The following ASIC2 variants were observed in gnomAD, a reference collection of about 807,000 sequenced individuals.
The protein encoded by ASIC2 is acid-sensing ion channel 2.
A neutral mutation model predicts 57.3 loss-of-function variants in ASIC2; 25 were observed. The ratio of observed to expected loss-of-function variants is 0.44; its 90% CI spans 0.32 to 0.61. The LOEUF (loss-of-function observed/expected upper bound fraction) is 0.61, where lower values mean the gene tolerates loss of function less well. ASIC2 is among the 20% of genes least tolerant of loss of function. The probability of loss-of-function intolerance (pLI) is 0.06; values close to 1 mark genes in which losing one functional copy is unlikely to be tolerated. For missense variants in ASIC2, 641 were observed against 738.1 expected, an observed-to-expected ratio of 0.87 and a Z score of 1.52; for synonymous variants, 319 against 307.5, an observed-to-expected ratio of 1.04 and a Z score of -0.39.
intron 1 of ASIC2, among the ~76,000 whole-genome samples, chr17:33,919,419 G>T (rs1030027033): frequency 2.6e-5 from 4 of 152,144 alleles, no homozygotes; most frequent in African/African-American, 9.7e-5. Context: ...AACGGGGAAA[G>T]GACCTTTTAT....
intron 1 of ASIC2, among the ~76,000 whole-genome samples, chr17:34,017,972 C>T (rs188020131): frequency 1.3e-5 from 2 of 152,288 alleles, no homozygotes; most frequent in East Asian, 3.9e-4. Flanking sequence ...AAATAATTGA[C>T]AAAGGTGACC....
chr17:33,360,840 C>A (rs1376791951), intron 1 of ASIC2, among the ~76,000 whole-genome samples: 1 of 152,144 alleles, frequency 6.6e-6, no homozygotes, highest in Non-Finnish European at 1.5e-5. Context: ...CTAACTAGAA[C>A]CTGTCTCCTA....
intron 1 of ASIC2, among the ~76,000 whole-genome samples, chr17:34,030,498 GAGA>G (rs1281940612): frequency 3.9e-5 from 6 of 152,216 alleles, no homozygotes; most frequent in African/African-American, 1.4e-4. Flanking sequence ...GGGAGTGCCA[GAGA>G]GTAGGTGCAG....
intron 1 of ASIC2, among the ~76,000 whole-genome samples, chr17:33,639,267 A>G (rs1906476387): frequency 1.3e-5 from 2 of 152,092 alleles, no homozygotes; most frequent in Non-Finnish European, 2.9e-5. Flanking sequence ...TAGCATGTGG[A>G]AAATCATTAT....
intron 1 of ASIC2, among the ~76,000 whole-genome samples, chr17:33,923,007 T>C (rs1025428084): frequency 6.6e-6 from 1 of 152,176 alleles, no homozygotes; most frequent in Non-Finnish European, 1.5e-5. Flanking sequence ...TTCTTTGCAA[T>C]GTCACTTCTA....
At chr17:33,799,259 A>G (rs1473024308) in intron 1 of ASIC2, among the ~76,000 whole-genome samples, 1 of 146,624 alleles carries the variant, frequency 6.8e-6, no homozygotes, top group Non-Finnish European at 1.5e-5. Flanking sequence ...CCTTCCTTCC[A>G]TCAATCCGTT....
intron 1 of ASIC2, among the ~76,000 whole-genome samples, chr17:33,521,572 G>A (rs1013415941): frequency 9.2e-5 from 14 of 152,220 alleles, no homozygotes; most frequent in Non-Finnish European, 2.9e-5. Flanking sequence ...CTGGGGTCCC[G>A]TGAGAGCCTG....
intron 1 of ASIC2, among the ~76,000 whole-genome samples, chr17:33,409,361 G>A (rs928994942): frequency 6.6e-6 from 1 of 152,216 alleles, no homozygotes; most frequent in African/African-American, 2.4e-5. Flanking sequence ...CCTTCAAAGA[G>A]CCAGGTGCTC....
chr17:34,102,599 AG>A (rs1167759676), intron 1 of ASIC2, among the ~76,000 whole-genome samples: 1 of 152,044 alleles, frequency 6.6e-6, no homozygotes, highest in Non-Finnish European at 1.5e-5. Context: ...CTTTTGGGAG[AG>A]GGGGTTCAGC....
At chr17:33,522,794 C>T (rs1373050732) in intron 1 of ASIC2, among the ~76,000 whole-genome samples, 1 of 152,210 alleles carries the variant, frequency 6.6e-6, no homozygotes, top group Non-Finnish European at 1.5e-5. Context: ...AACAGACACA[C>T]GAGAGCGCCA....
At chr17:33,935,087 C>T (rs546143857) in intron 1 of ASIC2, among the ~76,000 whole-genome samples, 3 of 152,370 alleles carry the variant, frequency 2.0e-5, no homozygotes, top group African/African-American at 7.2e-5. Flanking sequence ...GCCTCAAGCG[C>T]CAGCCATGCT....
chr17:33,559,007 G>A lies in ASIC2; in HGVS notation c.556-446940C>T, dbSNP rs146876350. Among the ~76,000 whole-genome samples the A allele has an allele frequency of 2.7e-3, 405 of 152,160 alleles. 2 individuals are homozygous for A. The highest frequency in any genetic ancestry group is 4.3e-3 in the Non-Finnish European group (290 of 68,004). On this transcript the variant is annotated intron_variant, in intron 1 of 9. Transcript: ENST00000359872. ...GGTCTCAAACTCCTGACCTCAAGTG[G>A]TCCACTTGCCATGGGCTCCCAATTA...
chr17:33,266,726 T>C (rs961631708), intron 1 of ASIC2, among the ~76,000 whole-genome samples: 26 of 152,066 alleles, frequency 1.7e-4, no homozygotes, highest in African/African-American at 6.0e-4. Flanking sequence ...CTTTTAATTA[T>C]TCAATGAGAT....
intron 3 of ASIC2, among the ~76,000 whole-genome samples, chr17:33,070,113 T>G (rs777923171): frequency 3.3e-5 from 5 of 152,212 alleles, no homozygotes; most frequent in African/African-American, 9.7e-5. Context: ...AGTATAGCAC[T>G]TCAGGCAGAG....
At chr17:34,086,199 C>T (rs1910106839) in intron 1 of ASIC2, among the ~76,000 whole-genome samples, 1 of 149,068 alleles carries the variant, frequency 6.7e-6, no homozygotes, top group Non-Finnish European at 1.5e-5. Context: ...TCCCTCTACA[C>T]ACTGCTTTGA....
At chr17:33,681,250 G>A (rs1454170902) in intron 1 of ASIC2, among the ~76,000 whole-genome samples, 1 of 152,208 alleles carries the variant, frequency 6.6e-6, no homozygotes, top group Non-Finnish European at 1.5e-5. Flanking sequence ...AATTGGTTAA[G>A]GGCAGAGTTT....
chr17:33,662,102 A>G (rs1281022679), intron 1 of ASIC2, among the ~76,000 whole-genome samples: 1 of 152,170 alleles, frequency 6.6e-6, no homozygotes, highest in Non-Finnish European at 1.5e-5. Context: ...AATCCTCACC[A>G]GAAAATTTGG....
intron 1 of ASIC2, among the ~76,000 whole-genome samples, chr17:33,605,846 C>A (rs1905219991): frequency 6.6e-6 from 1 of 152,282 alleles, no homozygotes; most frequent in South Asian, 2.1e-4. Context: ...ATGCTCATCC[C>A]CCTGTCTTAG....
intron 1 of ASIC2, among the ~76,000 whole-genome samples, chr17:33,854,087 T>C (rs1288967457): frequency 6.6e-6 from 1 of 152,208 alleles, no homozygotes; most frequent in Admixed American, 6.5e-5. Flanking sequence ...GTGCAATACA[T>C]CTTCTAATTG....
Sources: allele counts gnomAD v4.1 joint callset (sites outside exome capture counted in the v4.1 genomes callset), GRCh38; gene constraint gnomAD v4.1.1; transcripts MANE v1.5; gene names NCBI Gene and HGNC (gene_info 2026-07-23, HGNC 2026-07-21).